The following ADGRB3 variants were observed in gnomAD, a reference collection of about 807,000 sequenced individuals.
The protein encoded by ADGRB3 is brain-specific angiogenesis inhibitor 3.
Under a neutral mutation model 193.4 loss-of-function variants are expected in ADGRB3, and 37 were observed. That is an observed-to-expected ratio of 0.19 (90% CI 0.15 to 0.25). The LOEUF is 0.25. Ranked by LOEUF, ADGRB3 falls within the 10% of genes least tolerant of loss-of-function variation. ADGRB3 has a pLI of 1.00. For synonymous variants in ADGRB3, 690 were observed against 644.2 expected (o/e 1.07, Z -1.08); for missense variants, 1,637 against 1,852.9 (o/e 0.88, Z 2.14).
At chr6:69,155,414 A>G (rs1774807509) in intron 17 of ADGRB3, among the ~76,000 whole-genome samples, 1 of 152,220 alleles carries the variant, frequency 6.6e-6, no homozygotes, top group Middle Eastern at 3.2e-3. Context: ...TTTGCTTCCA[A>G]GAAAAGAAAA....
chr6:69,025,091 C>CAAAAA (rs66494212), intron 13 of ADGRB3, among the ~76,000 whole-genome samples: 1 of 141,426 alleles, frequency 7.1e-6, no homozygotes, highest in African/African-American at 2.6e-5. Flanking sequence ...GACTCCGTCT[C>CAAAAA]AAAAAAAAAA....
intron 11 of ADGRB3, among the ~76,000 whole-genome samples, chr6:69,003,002 G>C (rs538467896): frequency 1.3e-5 from 2 of 152,278 alleles, no homozygotes; most frequent in South Asian, 4.1e-4. Context: ...TTTAACACTT[G>C]TTAGCTCTGT....
At chr6:68,750,352 C>T (rs1421542247) in intron 3 of ADGRB3, among the ~76,000 whole-genome samples, 3 of 152,138 alleles carry the variant, frequency 2.0e-5, no homozygotes, top group African/African-American at 7.2e-5. Context: ...GGTGAATTTT[C>T]AGAAAAGGGC....
At position 69,048,303 on chromosome 6, in the gene ADGRB3, A is replaced by G; in HGVS notation, c.2226A>G (p.Pro742=). 1 of 1,613,560 alleles carries G rather than the reference A, an allele frequency of 6.2e-7. No homozygotes were observed. The highest frequency in any genetic ancestry group is 8.5e-7 in the Non-Finnish European group (1 of 1,179,672). Residue 742 remains proline, a synonymous_variant, in exon 14 of 32, where the codon CCA becomes CCG. Transcript: ENST00000370598. The stretch of plus-strand genomic sequence containing the variant: ...ACTCAGAAGATAGGGTAGTAATTCC[A>G]AAAAGCATTTTCACTCCGGTGTCAT... ...ARNSEDRVVI[P]KSIFTPVSSK...
In ADGRB3 at chr6:69,361,497, A is replaced by T. The variant is rs985053568; in HGVS notation, c.4224A>T (p.Ser1408=). 3 of 1,612,102 alleles carry T rather than the reference A, an allele frequency of 1.9e-6. No homozygotes were observed. Among genetic ancestry groups the T allele is most frequent in the Admixed American group, 1.7e-5 (1 of 59,822 alleles). The change falls in exon 29 of 32, where the codon TCA becomes TCT. Residue 1408 remains serine, a synonymous_variant. Transcript: ENST00000370598. ...GAAGTGAAACTGGATCAACGATATC[A>T]ATGAGTTCTTTAGAGGTGAGCCACA... ...LSRSETGSTI[S]MSSLERRKSR...
At chr6:68,882,392 G>T (rs1255733186) in intron 3 of ADGRB3, among the ~76,000 whole-genome samples, 1 of 152,034 alleles carries the variant, frequency 6.6e-6, no homozygotes, top group African/African-American at 2.4e-5. Context: ...TTTCCTGTTG[G>T]GAATTTTCCA....
At chr6:68,643,855 C>T (rs1024882290) in intron 3 of ADGRB3, among the ~76,000 whole-genome samples, 16 of 151,202 alleles carry the variant, frequency 1.1e-4, no homozygotes, top group Non-Finnish European at 8.8e-5. Context: ...TTGCTTGAAC[C>T]CTGGAGGCAG....
chr6:69,092,790 G>A (rs1266599157), intron 17 of ADGRB3, among the ~76,000 whole-genome samples: 2 of 152,194 alleles, frequency 1.3e-5, no homozygotes, highest in African/African-American at 2.4e-5. Flanking sequence ...GAAGACATTG[G>A]ACGATTAAAT....
intron 17 of ADGRB3, among the ~76,000 whole-genome samples, chr6:69,198,060 T>C (rs1021729399): frequency 6.6e-6 from 1 of 152,140 alleles, no homozygotes; most frequent in Admixed American, 6.6e-5. Flanking sequence ...GAATAATATT[T>C]TCCACTTCTT....
intron 17 of ADGRB3, among the ~76,000 whole-genome samples, chr6:69,118,713 AG>A (rs1404685783): frequency 6.7e-6 from 1 of 148,644 alleles, no homozygotes; most frequent in Non-Finnish European, 1.5e-5. Context: ...ATATCAGGTT[AG>A]TACAAGAAAC....
At chr6:69,372,383 CT>C in intron 29 of ADGRB3, 22 bp from the exon 30 acceptor site, 3 of 1,302,580 alleles carry the variant, frequency 2.3e-6, no homozygotes, top group South Asian at 1.5e-5. Context: ...TTTTCTCCTT[CT>C]TTTTAAAAAT....
At chr6:69,011,956 C>T (rs1769950767) in intron 11 of ADGRB3, among the ~76,000 whole-genome samples, 1 of 152,022 alleles carries the variant, frequency 6.6e-6, no homozygotes, top group Non-Finnish European at 1.5e-5. Flanking sequence ...TTTAGTAAAG[C>T]CACATTTGTT....
chr6:69,370,809 C>T (rs1769691684), intron 29 of ADGRB3, among the ~76,000 whole-genome samples: 1 of 152,072 alleles, frequency 6.6e-6, no homozygotes, highest in South Asian at 2.1e-4. Context: ...TGTATACTGA[C>T]AAAAATGTCC....
intron 31 of ADGRB3, among the ~76,000 whole-genome samples, chr6:69,387,605 G>T (rs1246860063): frequency 6.6e-6 from 1 of 151,826 alleles, no homozygotes. Flanking sequence ...TTTTTATGTT[G>T]CCCAGGCTGG....
At chr6:69,233,152 CA>C in intron 17 of ADGRB3, 137 bp from the exon 18 acceptor site, 1 of 1,238,210 alleles carries the variant, frequency 8.1e-7, no homozygotes, top group East Asian at 2.4e-5. Flanking sequence ...ACATCCTGTT[CA>C]ACAACAAGTA....
At chr6:69,188,029 A>G (rs1582529663) in intron 17 of ADGRB3, among the ~76,000 whole-genome samples, 1 of 152,222 alleles carries the variant, frequency 6.6e-6, no homozygotes, top group African/African-American at 2.4e-5. Flanking sequence ...TGCAGAAATC[A>G]TGTTAAGATT....
chr6:68,819,030 A>G (rs1767691315), intron 3 of ADGRB3, among the ~76,000 whole-genome samples: 1 of 152,106 alleles, frequency 6.6e-6, no homozygotes, highest in Non-Finnish European at 1.5e-5. Flanking sequence ...TGCAGCAACA[A>G]TGGTTAAATG....
chr6:68,796,188 T>C (rs1047289896), intron 3 of ADGRB3, among the ~76,000 whole-genome samples: 1 of 150,804 alleles, frequency 6.6e-6, no homozygotes, highest in African/African-American at 2.4e-5. Context: ...ATAATATATA[T>C]CTATAAACCA....
chr6:69,150,374 C>T (rs1774638172), intron 17 of ADGRB3, among the ~76,000 whole-genome samples: 1 of 152,168 alleles, frequency 6.6e-6, no homozygotes, highest in Admixed American at 6.5e-5. Flanking sequence ...AAAAGTCTTT[C>T]CCCACAAACA....
Sources: allele counts gnomAD v4.1 joint callset (sites outside exome capture counted in the v4.1 genomes callset), GRCh38; gene constraint gnomAD v4.1.1; transcripts MANE v1.5; gene names NCBI Gene and HGNC (gene_info 2026-07-23, HGNC 2026-07-21).